The following ARL15 variants were observed in gnomAD, a reference collection of about 807,000 sequenced individuals.
ARL15 encodes ADP-ribosylation factor-like protein 15.
Under a neutral mutation model 25.2 loss-of-function variants are expected in ARL15, and 19 were observed. The observed-to-expected ratio is 0.75, with a 90% CI of 0.53 to 1.10. The LOEUF (loss-of-function observed/expected upper bound fraction) is 1.10, where lower values mean the gene tolerates loss of function less well. Ranked by LOEUF, ARL15 falls within the 50% of genes least tolerant of loss-of-function variation. ARL15 has a pLI of 0.00. For synonymous variants in ARL15, 94 were observed against 86.8 expected, an observed-to-expected ratio of 1.08 and a Z score of -0.46; for missense variants, 220 against 246.0, an observed-to-expected ratio of 0.89 and a Z score of 0.71.
At chr5:54,220,763 C>G in intron 1 of ARL15, among the ~76,000 whole-genome samples, 1 of 145,956 alleles carries the variant, frequency 6.9e-6, no homozygotes, top group South Asian at 2.4e-4. Context: ...AGATAAGAGA[C>G]AATGTGTGTT....
intron 1 of ARL15, among the ~76,000 whole-genome samples, chr5:54,188,861 C>T (rs914774378): frequency 5.3e-5 from 8 of 152,094 alleles, no homozygotes; most frequent in Non-Finnish European, 1.0e-4. Context: ...TCTTTTTAAT[C>T]CTATTAATTT....
At chr5:53,974,434 T>C (rs924430476) in intron 4 of ARL15, among the ~76,000 whole-genome samples, 4 of 152,254 alleles carry the variant, frequency 2.6e-5, no homozygotes, top group Non-Finnish European at 5.9e-5. Flanking sequence ...TTCTGCCATA[T>C]ATTGGTAGAC....
intron 4 of ARL15, among the ~76,000 whole-genome samples, chr5:53,977,506 G>T (rs111582403): frequency 0.015 from 2,266 of 152,160 alleles, 55 homozygotes; most frequent in African/African-American, 0.051. Context: ...TGTTTAATCT[G>T]TAAGTGTTCC....
intron 4 of ARL15, among the ~76,000 whole-genome samples, chr5:53,963,669 A>G (rs772129519): frequency 3.3e-5 from 5 of 151,974 alleles, no homozygotes; most frequent in African/African-American, 9.7e-5. Flanking sequence ...TTAGCTGGGC[A>G]TGGTGGTGGA....
intron 1 of ARL15, among the ~76,000 whole-genome samples, chr5:54,209,778 T>C (rs1224971300): frequency 6.6e-6 from 1 of 152,198 alleles, no homozygotes; most frequent in Non-Finnish European, 1.5e-5. Context: ...TTTTGAACAG[T>C]TACTTGCAAA....
chr5:53,954,127 G>A (rs912377702), intron 4 of ARL15, among the ~76,000 whole-genome samples: 2 of 151,234 alleles, frequency 1.3e-5, no homozygotes, highest in East Asian at 1.9e-4. Flanking sequence ...ACCAAAGACA[G>A]GGGAGCTTTC....
At chr5:54,067,595 A>C (rs1751280487) in intron 4 of ARL15, among the ~76,000 whole-genome samples, 1 of 152,200 alleles carries the variant, frequency 6.6e-6, no homozygotes, top group Non-Finnish European at 1.5e-5. Flanking sequence ...ACAGTCTATG[A>C]AATGCTTGTG....
intron 4 of ARL15, among the ~76,000 whole-genome samples, chr5:54,043,107 G>A (rs545135388): frequency 5.9e-5 from 9 of 151,840 alleles, no homozygotes; most frequent in Non-Finnish European, 1.2e-4. Flanking sequence ...ATGCCTGTTC[G>A]TCTTTTGGGG....
intron 3 of ARL15, among the ~76,000 whole-genome samples, chr5:54,136,437 C>T (rs1048592038): frequency 6.6e-6 from 1 of 152,170 alleles, no homozygotes; most frequent in African/African-American, 2.4e-5. Context: ...AAAATATCAT[C>T]TGTTTTTGTG....
At chr5:54,030,819 A>T (rs1477220875) in intron 4 of ARL15, among the ~76,000 whole-genome samples, 1 of 152,236 alleles carries the variant, frequency 6.6e-6, no homozygotes, top group African/African-American at 2.4e-5. Context: ...AAATGGAAGG[A>T]AAATCAGTTC....
chr5:53,931,380 T>A (rs1261821221), intron 4 of ARL15, among the ~76,000 whole-genome samples: 2 of 152,212 alleles, frequency 1.3e-5, no homozygotes, highest in African/African-American at 4.8e-5. Flanking sequence ...TTACTGTCAT[T>A]TTATTTTGCT....
chr5:53,988,333 A>C (rs1002256331), intron 4 of ARL15, among the ~76,000 whole-genome samples: 1 of 151,712 alleles, frequency 6.6e-6, no homozygotes, highest in South Asian at 2.1e-4. Context: ...AAAAAAAAAA[A>C]AGCTTTTCTG....
At chr5:54,090,382 A>G (rs1579788207) in intron 4 of ARL15, among the ~76,000 whole-genome samples, 2 of 152,058 alleles carry the variant, frequency 1.3e-5, no homozygotes, top group East Asian at 3.9e-4. Flanking sequence ...GCTATTACAT[A>G]TATTATTTGG....
At chr5:53,949,797 A>G (rs1329885105) in intron 4 of ARL15, among the ~76,000 whole-genome samples, 1 of 152,212 alleles carries the variant, frequency 6.6e-6, no homozygotes, top group East Asian at 1.9e-4. Context: ...AACTTGATGA[A>G]AGGTTTCTCC....
intron 2 of ARL15, among the ~76,000 whole-genome samples, chr5:54,170,512 T>G (rs1356164688): frequency 1.3e-5 from 2 of 152,320 alleles, no homozygotes; most frequent in Admixed American, 1.3e-4. Context: ...ACAATTTGTC[T>G]CCTGGCACTC....
chr5:53,992,637 G>A (rs761600103), intron 4 of ARL15, among the ~76,000 whole-genome samples: 1 of 152,172 alleles, frequency 6.6e-6, no homozygotes, highest in Non-Finnish European at 1.5e-5. Flanking sequence ...AACGTTTTGT[G>A]TTGTAATAAA....
At chr5:54,293,095 A>G (rs188224866) in intron 1 of ARL15, among the ~76,000 whole-genome samples, 1 of 152,330 alleles carries the variant, frequency 6.6e-6, no homozygotes, top group East Asian at 1.9e-4. Context: ...GGAAAGATCA[A>G]GTTTCATGAT....
At chr5:54,215,187 C>T (rs1035483439) in intron 1 of ARL15, among the ~76,000 whole-genome samples, 5 of 152,076 alleles carry the variant, frequency 3.3e-5, no homozygotes, top group African/African-American at 1.2e-4. Context: ...TCAGAAACAG[C>T]TCACATTCAA....
intron 4 of ARL15, among the ~76,000 whole-genome samples, chr5:53,960,194 ATCT>A (rs759888029): frequency 4.6e-5 from 7 of 152,346 alleles, no homozygotes; most frequent in Non-Finnish European, 8.8e-5. Flanking sequence ...ATGATATATC[ATCT>A]TCTCATTATC....
Sources: gnomAD v4.1 joint callset for allele counts (sites outside exome capture counted in the v4.1 genomes callset) on GRCh38, gnomAD v4.1.1 for gene constraint, MANE v1.5 for transcripts, NCBI Gene and HGNC (gene_info 2026-07-23, HGNC 2026-07-21) for gene names.